The following CFAP251 variants were observed in gnomAD, a reference collection of about 807,000 sequenced individuals.
CFAP251 encodes the protein cilia and flagella associated protein 251, also known as cilia- and flagella-associated protein 251.
Under a neutral mutation model 126.7 loss-of-function variants are expected in CFAP251, and 93 were observed. The ratio of observed to expected loss-of-function variants is 0.73; its 90% CI spans 0.62 to 0.87. CFAP251 has a LOEUF of 0.87. CFAP251 is among the 40% of genes least tolerant of loss of function. The pLI, the probability that CFAP251 is intolerant of heterozygous loss-of-function variation, is 0.00. For synonymous variants in CFAP251, 503 were observed against 506.9 expected (o/e 0.99, Z 0.10); for missense variants, 1,287 against 1,389.2 (o/e 0.93, Z 1.17).
intron 19 of CFAP251, among the ~76,000 whole-genome samples, chr12:121,984,595 C>T (rs1183216328): frequency 3.3e-5 from 5 of 152,190 alleles, no homozygotes; most frequent in African/African-American, 7.2e-5. Flanking sequence ...GTGTGAGCCA[C>T]GGCGCCCGGC....
At chr12:121,940,855 GA>G (rs1881083010) in intron 5 of CFAP251, among the ~76,000 whole-genome samples, 1 of 152,036 alleles carries the variant, frequency 6.6e-6, no homozygotes, top group African/African-American at 2.4e-5. Context: ...TTACAGTTTG[GA>G]GTCTATTCCT....
chr12:121,945,520 T>C (rs1881287978), intron 7 of CFAP251, among the ~76,000 whole-genome samples: 1 of 150,336 alleles, frequency 6.7e-6, no homozygotes, highest in African/African-American at 2.5e-5. Flanking sequence ...ATTTTTTGTA[T>C]TTTTAGTACA....
intron 14 of CFAP251, among the ~76,000 whole-genome samples, chr12:121,961,578 G>A (rs757288905): frequency 2.0e-5 from 3 of 152,148 alleles, no homozygotes; most frequent in Non-Finnish European, 4.4e-5. Flanking sequence ...GTCAGGTGTG[G>A]GAATCAGCTG....
At chr12:121,943,190 A>G (rs1185955983) in intron 7 of CFAP251, among the ~76,000 whole-genome samples, 9 of 152,006 alleles carry the variant, frequency 5.9e-5, no homozygotes, top group African/African-American at 1.2e-4. Flanking sequence ...GCACATGCCT[A>G]TAGTCCCAGC....
At chr12:121,930,748 C>CTTTTTTTTTTTTTTTTTTTT (rs72062810) in intron 3 of CFAP251, among the ~76,000 whole-genome samples, 1 of 109,884 alleles carries the variant, frequency 9.1e-6, no homozygotes. Context: ...AATTGCCTTT[C>CTTTTTTTTTTTTTTTTTTTT]TTTTTTTTTT....
chr12:121,935,267 T>G (rs1241622787), intron 5 of CFAP251, among the ~76,000 whole-genome samples: 1 of 152,202 alleles, frequency 6.6e-6, no homozygotes, highest in Non-Finnish European at 1.5e-5. Flanking sequence ...TCTCTTTCTC[T>G]CTTTTTTAAA....
intron 2 of CFAP251, 90 bp from the exon 3 acceptor site, chr12:121,923,532 C>T: frequency 6.8e-7 from 1 of 1,479,592 alleles, no homozygotes; most frequent in Non-Finnish European, 9.0e-7. Context: ...GTGAGGCTAA[C>T]ACTAAGACTG....
At chr12:121,988,596 G>A (rs1379809425) in intron 19 of CFAP251, among the ~76,000 whole-genome samples, 2 of 152,046 alleles carry the variant, frequency 1.3e-5, no homozygotes, top group Admixed American at 6.6e-5. Context: ...CATTCTATTC[G>A]TTCATGTAGA....
At chr12:121,943,100 G>C in intron 7 of CFAP251, 125 bp downstream of exon 7, 1 of 974,340 alleles carries the variant, frequency 1.0e-6, no homozygotes, top group Non-Finnish European at 1.6e-6. Flanking sequence ...ATCACTTGAG[G>C]TCAGGAGTTC....
At chr12:121,977,876 G>A (rs1385340617) in intron 19 of CFAP251, among the ~76,000 whole-genome samples, 4 of 147,392 alleles carry the variant, frequency 2.7e-5, no homozygotes, top group Admixed American at 6.8e-5. Context: ...GGAGAATGGC[G>A]TGAACCCGGG....
chr12:121,951,680 A>G (rs1881531816), intron 9 of CFAP251, 150 bp downstream of exon 9: 1 of 527,996 alleles, frequency 1.9e-6, no homozygotes, highest in Non-Finnish European at 3.4e-6. Context: ...TCCTGTATAC[A>G]TATTGAATTG....
intron 3 of CFAP251, among the ~76,000 whole-genome samples, chr12:121,928,706 T>A (rs189397605): frequency 0.024 from 817 of 34,594 alleles, 44 homozygotes; most frequent in Admixed American, 0.12. Flanking sequence ...ATATATATAT[T>A]TTTTTTTTGA....
intron 15 of CFAP251, 51 bp from the exon 16 acceptor site, chr12:121,966,904 C>T (rs1465917431): frequency 2.6e-6 from 4 of 1,562,020 alleles, no homozygotes; most frequent in Non-Finnish European, 3.5e-6. Flanking sequence ...ATCTTAAAAC[C>T]TATGTTGAGA....
intron 15 of CFAP251, among the ~76,000 whole-genome samples, chr12:121,965,820 CTTTT>C (rs57810201): frequency 2.1e-5 from 3 of 142,996 alleles, no homozygotes; most frequent in Non-Finnish European, 3.1e-5. Context: ...TCTTCTTCTT[CTTTT>C]TTTTTTTTTT....
chr12:121,922,893 T>C (rs1195207509), intron 2 of CFAP251, among the ~76,000 whole-genome samples: 1 of 151,916 alleles, frequency 6.6e-6, no homozygotes, highest in Non-Finnish European at 1.5e-5. Flanking sequence ...GGGTTCATGC[T>C]ATTCTCCTGC....
chr12:121,928,628 ATATATATACG>A (rs375089598), intron 3 of CFAP251, among the ~76,000 whole-genome samples: 1,418 of 27,604 alleles, frequency 0.051, 73 homozygotes, highest in East Asian at 0.25. Flanking sequence ...GTATATGTGT[ATATATATACG>A]TATATATATA....
chr12:121,920,262 C>G (rs1880110245), intron 1 of CFAP251, among the ~76,000 whole-genome samples: 1 of 112,120 alleles, frequency 8.9e-6, no homozygotes, highest in Non-Finnish European at 1.7e-5. Context: ...GGGTCTCGCT[C>G]TGTTGCCCAG....
intron 17 of CFAP251, chr12:121,971,829 G>A (rs1166365462): frequency 2.0e-6 from 1 of 506,736 alleles, no homozygotes; most frequent in Non-Finnish European, 3.6e-6. Context: ...TGTATGGTGG[G>A]AGGGACCTGG....
chr12:121,942,322 C>A (rs1194140240), intron 5 of CFAP251, among the ~76,000 whole-genome samples: 1 of 152,114 alleles, frequency 6.6e-6, no homozygotes, highest in East Asian at 1.9e-4. Flanking sequence ...TGCCTGGCTT[C>A]TTTCACTCAG....
Sources: allele counts gnomAD v4.1 joint callset (sites outside exome capture counted in the v4.1 genomes callset), GRCh38; gene constraint gnomAD v4.1.1; transcripts MANE v1.5; gene names NCBI Gene and HGNC (gene_info 2026-07-23, HGNC 2026-07-21).